The following GNA14 variants were observed in gnomAD, a reference collection of about 807,000 sequenced individuals.
GNA14 encodes the protein G protein subunit alpha 14.
Under a neutral mutation model 42.0 loss-of-function variants are expected in GNA14, and 50 were observed. That is an observed-to-expected ratio of 1.19 (90% CI 0.95 to 1.51). The LOEUF is 1.51. Among genes scored for constraint, GNA14 ranks in the 40% most tolerant of loss-of-function variants. The pLI, the probability that GNA14 is intolerant of heterozygous loss-of-function variation, is 0.00. For synonymous variants in GNA14, 173 were observed against 163.1 expected (o/e 1.06, Z -0.46); for missense variants, 473 against 446.2 (o/e 1.06, Z -0.54).
At chr9:77,622,731 C>CAAAAAAAAAAAAAAAA (rs71503227) in intron 1 of GNA14, among the ~76,000 whole-genome samples, 10 of 122,790 alleles carry the variant, frequency 8.1e-5, no homozygotes, top group African/African-American at 1.9e-4. Flanking sequence ...ACTAAAAATA[C>CAAAAAAAAAAAAAAAA]AAAAAAAAGA....
At chr9:77,562,123 G>A (rs890837772) in intron 1 of GNA14, among the ~76,000 whole-genome samples, 1 of 152,176 alleles carries the variant, frequency 6.6e-6, no homozygotes, top group Non-Finnish European at 1.5e-5. Flanking sequence ...TAGCATGAAT[G>A]CCTTTGTACT....
At chr9:77,621,029 G>C (rs959208122) in intron 1 of GNA14, among the ~76,000 whole-genome samples, 17 of 151,778 alleles carry the variant, frequency 1.1e-4, no homozygotes, top group Non-Finnish European at 2.2e-4. Context: ...CACCTCCCAG[G>C]CTCAAGTGAC....
intron 2 of GNA14, among the ~76,000 whole-genome samples, chr9:77,437,405 G>C (rs1311194820): frequency 6.6e-6 from 1 of 152,116 alleles, no homozygotes; most frequent in Non-Finnish European, 1.5e-5. Context: ...AATTAGCTGG[G>C]TTTGGTGGTG....
intron 2 of GNA14, among the ~76,000 whole-genome samples, chr9:77,489,406 T>C (rs1004083874): frequency 1.3e-5 from 2 of 152,002 alleles, no homozygotes; most frequent in Non-Finnish European, 2.9e-5. Context: ...GAGATAAATA[T>C]CAGAACAGGA....
chr9:77,464,140 A>G (rs549918784), intron 2 of GNA14, among the ~76,000 whole-genome samples: 1 of 152,168 alleles, frequency 6.6e-6, no homozygotes, highest in African/African-American at 2.4e-5. Context: ...AGCTGGGACT[A>G]TAGGTCCTTG....
intron 1 of GNA14, among the ~76,000 whole-genome samples, chr9:77,603,766 C>G (rs951964862): frequency 6.6e-6 from 1 of 151,836 alleles, no homozygotes; most frequent in Non-Finnish European, 1.5e-5. Context: ...GAGATTGAGA[C>G]TATCCTGGCT....
intron 2 of GNA14, among the ~76,000 whole-genome samples, chr9:77,522,102 G>T (rs1197775289): frequency 6.6e-6 from 1 of 152,190 alleles, no homozygotes; most frequent in Non-Finnish European, 1.5e-5. Context: ...CCCCCAAAGT[G>T]CTGGGATTAC....
chr9:77,541,520 C>T (rs762096897), intron 1 of GNA14, among the ~76,000 whole-genome samples: 7 of 152,118 alleles, frequency 4.6e-5, no homozygotes, highest in African/African-American at 2.4e-5. Context: ...GTGGAGAAGA[C>T]CTTTTTGCAT....
chr9:77,439,353 AGTT>A (rs1835688702), intron 2 of GNA14, among the ~76,000 whole-genome samples: 1 of 152,228 alleles, frequency 6.6e-6, no homozygotes, highest in South Asian at 2.1e-4. Context: ...ACAAGAGTGG[AGTT>A]GGCTGGGTGC....
At chr9:77,576,162 T>G (rs1823125374) in intron 1 of GNA14, among the ~76,000 whole-genome samples, 1 of 152,178 alleles carries the variant, frequency 6.6e-6, no homozygotes, top group African/African-American at 2.4e-5. Flanking sequence ...TTCAGTTCAA[T>G]ATCATGGCTT....
At chr9:77,618,618 A>T (rs10869948) in intron 1 of GNA14, among the ~76,000 whole-genome samples, 845 of 6,842 alleles carry the variant, frequency 0.12, 53 homozygotes, top group South Asian at 0.23. Context: ...ATATATATAT[A>T]TATTTTTTTT....
intron 5 of GNA14, among the ~76,000 whole-genome samples, chr9:77,428,059 A>G (rs1422679641): frequency 6.7e-6 from 1 of 149,100 alleles, no homozygotes; most frequent in African/African-American, 2.5e-5. Context: ...AGTCCAAGAG[A>G]TGGCATTTTT....
At chr9:77,476,858 G>C (rs565274506) in intron 2 of GNA14, among the ~76,000 whole-genome samples, 31 of 152,278 alleles carry the variant, frequency 2.0e-4, no homozygotes, top group Admixed American at 1.5e-3. Context: ...ACATTTCAAG[G>C]CTCCTTCTGG....
chr9:77,533,905 G>A (rs550561472), intron 1 of GNA14, among the ~76,000 whole-genome samples: 230 of 152,324 alleles, frequency 1.5e-3, no homozygotes, highest in Non-Finnish European at 2.6e-3. Flanking sequence ...TGACCTTGCA[G>A]GTTGGGAGTT....
At position 77,488,122 on chromosome 9, in the gene GNA14, A is replaced by G. The variant is rs1315509793; in HGVS notation, c.309+40947T>C. 2.0e-5 allele frequency among the ~76,000 whole-genome samples: 3 copies of G among 152,224 alleles called. No homozygotes were observed. The East Asian group carries it at 5.8e-4, about 29-fold the overall frequency. ...CACTCCACCTGAGAGAACAAAAAATACAAAGCCAGCAATATCTTAGAACTC... is the reference window on the plus strand; with the variant it reads ...CACTCCACCTGAGAGAACAAAAAATGCAAAGCCAGCAATATCTTAGAACTC... On this transcript the variant is annotated intron_variant, in intron 2 of 6. Coordinates refer to ENST00000341700, the MANE Select transcript of GNA14 (RefSeq NM_004297.4).
At chr9:77,573,895 G>A (rs1823094945) in intron 1 of GNA14, among the ~76,000 whole-genome samples, 1 of 152,034 alleles carries the variant, frequency 6.6e-6, no homozygotes, top group African/African-American at 2.4e-5. Flanking sequence ...GGCATATAAG[G>A]AGCTTAGAAA....
chr9:77,480,802 C>G (rs1256712300), intron 2 of GNA14, among the ~76,000 whole-genome samples: 4 of 152,172 alleles, frequency 2.6e-5, no homozygotes, highest in African/African-American at 9.7e-5. Flanking sequence ...AGGAATTTAT[C>G]CATTTCTTCT....
At chr9:77,549,538 C>T (rs1026935187) in intron 1 of GNA14, among the ~76,000 whole-genome samples, 7 of 152,156 alleles carry the variant, frequency 4.6e-5, no homozygotes, top group African/African-American at 1.7e-4. Context: ...GTTTCTCAGT[C>T]CAGCTTTGGT....
chr9:77,503,225 G>C (rs1017217608), intron 2 of GNA14, among the ~76,000 whole-genome samples: 4 of 152,108 alleles, frequency 2.6e-5, no homozygotes, highest in African/African-American at 7.2e-5. Context: ...TTCTCAAATA[G>C]GACATGACCT....
Sources: allele counts gnomAD v4.1 joint callset (sites outside exome capture counted in the v4.1 genomes callset), GRCh38; gene constraint gnomAD v4.1.1; transcripts MANE v1.5; gene names NCBI Gene and HGNC (gene_info 2026-07-23, HGNC 2026-07-21).